The following CHD6 variants were observed in gnomAD, a reference collection of about 807,000 sequenced individuals.
CHD6 encodes the protein ATP-dependent chromatin remodeler CHD6.
Under a neutral mutation model 276.9 loss-of-function variants are expected in CHD6, and 50 were observed. The observed-to-expected ratio is 0.18, with a 90% CI of 0.14 to 0.23. CHD6 has a LOEUF of 0.23. CHD6 is among the 10% of genes least tolerant of loss of function. The pLI, the probability that CHD6 is intolerant of heterozygous loss-of-function variation, is 1.00. For missense variants in CHD6, 2,564 were observed against 3,365.8 expected (o/e 0.76, Z 5.89); for synonymous variants, 1,173 against 1,229.3 (o/e 0.95, Z 0.96).
chr20:41,452,899 T>C lies in CHD6; in HGVS notation c.3164A>G (p.Lys1055Arg). The C allele has an allele frequency of 1.2e-6, 2 of 1,613,746 alleles. No individual in the cohort carries two copies. Among genetic ancestry groups the C allele is most frequent in the Non-Finnish European group, 8.5e-7 (1 of 1,179,962 alleles). Residue 1055 changes from lysine (K) to arginine (R), a missense_variant, in exon 21 of 37, where the codon AAA becomes AGA. Physicochemically the swap from Lys to Arg is conservative, Grantham distance 26 (BLOSUM62 2). Transcript: ENST00000373233. This position sits in a 1 kb window ranked among gnomAD's most constrained non-coding sequence, Gnocchi z 4.2. ...IDRPRVRKQT[K>R]HYNSFEEDEL... The stretch of plus-strand genomic sequence containing the variant: ...GTCTTCCTCAAACGAGTTGTAGTGT[T>C]TGGTCTGCTTTCTCACGCGAGGTCG...
intron 7 of CHD6, 124 bp from the exon 8 acceptor site, chr20:41,497,625 C>T (rs942443973): frequency 1.3e-6 from 1 of 756,370 alleles, no homozygotes; most frequent in East Asian, 2.5e-5. Flanking sequence ...TGTGAAACTG[C>T]TGGAGATTGG....
At position 41,516,231 on chromosome 20, in the gene CHD6, T is replaced by G. The variant is rs184236107; in HGVS notation, c.555-1279A>C. Among the ~76,000 whole-genome samples, 212 of 152,202 alleles carry G rather than the reference T, an allele frequency of 1.4e-3. 1 individual carries two copies. In the Middle Eastern group the frequency reaches 0.02, roughly 15 times the overall value. ...CAGGATGGGGTGCAGTGGCGTGATC[T>G]TGGCTCACTGCAACCTCTACCTCCC... On this transcript the variant is annotated intron_variant, in intron 3 of 36. Transcript: ENST00000373233.
At chr20:41,609,925 T>C (rs184391380) in intron 1 of CHD6, among the ~76,000 whole-genome samples, 108 of 151,248 alleles carry the variant, frequency 7.1e-4, no homozygotes, top group African/African-American at 2.6e-3. Flanking sequence ...GGCACGACCT[T>C]GGCTCGCTGC....
At chr20:41,574,120 A>AAAGAGG (rs1241332670) in intron 1 of CHD6, among the ~76,000 whole-genome samples, 1 of 150,430 alleles carries the variant, frequency 6.6e-6, no homozygotes, top group Non-Finnish European at 1.5e-5. Flanking sequence ...CTGAAAAGGG[A>AAAGAGG]AAGAGGAAGA....
At chr20:41,485,007 T>TA (rs1457796038) in intron 14 of CHD6, among the ~76,000 whole-genome samples, 2 of 152,212 alleles carry the variant, frequency 1.3e-5, no homozygotes, top group Admixed American at 6.5e-5. Flanking sequence ...CAAGGAAACT[T>TA]AGACGCTGAG....
chr20:41,563,021 AC>A (rs2045318576), intron 1 of CHD6, among the ~76,000 whole-genome samples: 1 of 152,220 alleles, frequency 6.6e-6, no homozygotes, highest in Non-Finnish European at 1.5e-5. Flanking sequence ...AGGATGCATT[AC>A]CATCATTAAC....
chr20:41,482,139 C>G (rs1332467829), intron 16 of CHD6, among the ~76,000 whole-genome samples: 1 of 152,060 alleles, frequency 6.6e-6, no homozygotes, highest in Non-Finnish European at 1.5e-5. Flanking sequence ...CACCTTTACT[C>G]ATTTTGGGGG....
At chr20:41,543,737 T>G (rs1019185557) in intron 2 of CHD6, among the ~76,000 whole-genome samples, 2 of 152,218 alleles carry the variant, frequency 1.3e-5, no homozygotes, top group African/African-American at 2.4e-5. Context: ...ATCGTAAGAA[T>G]GTAGTTTGTT....
chr20:41,449,069 T>A (rs1452265325), intron 23 of CHD6, among the ~76,000 whole-genome samples: 2 of 152,042 alleles, frequency 1.3e-5, no homozygotes, highest in African/African-American at 4.8e-5. Context: ...ATTCGGCTAA[T>A]TTTTTATATT....
intron 1 of CHD6, among the ~76,000 whole-genome samples, chr20:41,602,106 G>C (rs898202456): frequency 2.6e-5 from 4 of 152,020 alleles, no homozygotes; most frequent in African/African-American, 9.7e-5. Context: ...CATTTCCGTG[G>C]TGCTCTATCT....
chr20:41,468,414 C>T (rs2042979376), intron 17 of CHD6, among the ~76,000 whole-genome samples: 1 of 152,054 alleles, frequency 6.6e-6, no homozygotes, highest in South Asian at 2.1e-4. Flanking sequence ...CCAGCCCCAA[C>T]TTCCATCATT....
chr20:41,412,696 G>A (rs148696628), intron 35 of CHD6, among the ~76,000 whole-genome samples: 2,496 of 152,266 alleles, frequency 0.016, 27 homozygotes, highest in Non-Finnish European at 0.029. Flanking sequence ...TTAGTTAGGC[G>A]CACCCAGGAC....
chr20:41,513,662 A>G (rs1486448253), intron 4 of CHD6, among the ~76,000 whole-genome samples: 2 of 152,184 alleles, frequency 1.3e-5, no homozygotes, highest in Non-Finnish European at 2.9e-5. Flanking sequence ...GCTTTCTACA[A>G]ATAGAGCAGC....
chr20:41,419,446 C>T lies in CHD6; in HGVS notation c.6127+1062G>A, dbSNP rs577337181. Among the ~76,000 whole-genome samples the T allele has an allele frequency of 6.7e-5, 10 of 150,042 alleles. 1 individual carries two copies. The highest frequency in any genetic ancestry group is 2.4e-4 in the African/African-American group (10 of 40,852). ...CAAAAATCAGTCAGACGTGGTGGCA[C>T]ACACCTGTAATCCCAGCTTGGGATG... On this transcript the variant is annotated intron_variant, in intron 31 of 36. Coordinates refer to ENST00000373233, the MANE Select transcript of CHD6 (RefSeq NM_032221.5).
chr20:41,603,962 C>A (rs1322251347), intron 1 of CHD6, among the ~76,000 whole-genome samples: 1 of 149,980 alleles, frequency 6.7e-6, no homozygotes, highest in East Asian at 2.0e-4. Flanking sequence ...CAAGGCCTTA[C>A]CCTGGGTTCA....
intron 30 of CHD6, 49 bp from the exon 31 acceptor site, chr20:41,422,128 C>T: frequency 1.3e-6 from 2 of 1,542,430 alleles, no homozygotes; most frequent in East Asian, 2.3e-5. Flanking sequence ...ACCTCAGACA[C>T]TCCCCGCCCA....
chr20:41,440,791 T>C (rs929666982), intron 25 of CHD6, among the ~76,000 whole-genome samples: 3 of 152,256 alleles, frequency 2.0e-5, no homozygotes, highest in African/African-American at 7.2e-5. Context: ...ATTTATTTTA[T>C]TGAACCTAAT....
chr20:41,533,016 G>T, intron 3 of CHD6, 34 bp downstream of exon 3: 1 of 1,548,180 alleles, frequency 6.5e-7, no homozygotes, highest in Non-Finnish European at 8.7e-7. Context: ...CACTGGCATA[G>T]GCAAGTGCTC....
intron 1 of CHD6, among the ~76,000 whole-genome samples, chr20:41,556,486 G>A (rs1024655365): frequency 3.9e-5 from 6 of 152,058 alleles, no homozygotes; most frequent in African/African-American, 9.7e-5. Context: ...GGCCATAAGC[G>A]GGTAGGAAAT....
Sources: gnomAD v4.1 joint callset for allele counts (sites outside exome capture counted in the v4.1 genomes callset) on GRCh38, gnomAD v4.1.1 for gene constraint, Gnocchi (gnomAD v3.1) non-coding constraint, MANE v1.5 for transcripts, NCBI Gene and HGNC (gene_info 2026-07-23, HGNC 2026-07-21) for gene names.